HTT-AS: variants seen among roughly 807,000 people sequenced by gnomAD.
HTT-AS encodes the protein HTT antisense RNA (head to head).
chr4:3,066,843 G>A (rs1035716787), intron 1 of HTT-AS, among the ~76,000 whole-genome samples: 5 of 152,180 alleles, frequency 3.3e-5, no homozygotes, highest in Admixed American at 3.3e-4. Flanking sequence ...TACCAGGAAC[G>A]TGATATGAGG....
intron 1 of HTT-AS, among the ~76,000 whole-genome samples, chr4:3,073,964 G>T (rs2857935): frequency 0.012 from 1,829 of 151,878 alleles, 20 homozygotes; most frequent in Non-Finnish European, 0.018. Context: ...GTCGGCGGGG[G>T]ATCCTTTCCG....
intron 1 of HTT-AS, among the ~76,000 whole-genome samples, chr4:3,073,263 C>T (rs955926468): frequency 2.0e-5 from 3 of 152,204 alleles, no homozygotes; most frequent in African/African-American, 7.2e-5. Context: ...CCTGCATCAC[C>T]CCCCGGCTGG....
At chr4:3,049,469 A>G (rs1711661291) in exon 3 of HTT-AS, among the ~76,000 whole-genome samples, 2 of 152,114 alleles carry the variant, frequency 1.3e-5, no homozygotes, top group African/African-American at 4.8e-5. Context: ...AGAAGTCTTG[A>G]TCCACGATCT....
chr4:3,047,262 G>A (rs1711608327), downstream of HTT-AS, among the ~76,000 whole-genome samples: 1 of 152,166 alleles, frequency 6.6e-6, no homozygotes. Context: ...AGTGAGCCGA[G>A]ATTGCGCCAC....
intron 2 of HTT-AS, among the ~76,000 whole-genome samples, chr4:3,052,853 G>C (rs572805993): frequency 6.6e-6 from 1 of 152,130 alleles, no homozygotes; most frequent in African/African-American, 2.4e-5. Context: ...AAAATTAGCC[G>C]GGCATGGCGG....
At chr4:3,061,986 T>TAAAAA (rs548695397) in intron 2 of HTT-AS, among the ~76,000 whole-genome samples, 4 of 63,426 alleles carry the variant, frequency 6.3e-5, no homozygotes, top group Admixed American at 4.1e-4. Context: ...TATCTCAAAT[T>TAAAAA]AAAAAAAAAA....
chr4:3,048,234 T>C (rs1315457373), downstream of HTT-AS, among the ~76,000 whole-genome samples: 1 of 152,182 alleles, frequency 6.6e-6, no homozygotes, highest in Non-Finnish European at 1.5e-5. Flanking sequence ...GGCGAGAGTG[T>C]GACCAAAACT....
intron 1 of HTT-AS, among the ~76,000 whole-genome samples, chr4:3,072,306 C>G (rs541270371): frequency 2.0e-5 from 3 of 152,272 alleles, no homozygotes; most frequent in Non-Finnish European, 4.4e-5. Context: ...TTTATGTCCT[C>G]GCCATGTGGG....
intron 2 of HTT-AS, among the ~76,000 whole-genome samples, chr4:3,058,307 C>G (rs1303061468): frequency 1.3e-5 from 2 of 150,600 alleles, no homozygotes; most frequent in African/African-American, 4.9e-5. Flanking sequence ...GCCTGCACAA[C>G]AAGAATGAAA....
chr4:3,047,668 G>A (rs746753041), downstream of HTT-AS, among the ~76,000 whole-genome samples: 107 of 152,172 alleles, frequency 7.0e-4, 2 homozygotes, highest in Non-Finnish European at 1.6e-4. Flanking sequence ...GGAGAGGGGC[G>A]GAGGGGTTAG....
downstream of HTT-AS, among the ~76,000 whole-genome samples, chr4:3,046,523 A>C (rs545508007): frequency 1.1e-4 from 17 of 152,364 alleles, no homozygotes; most frequent in African/African-American, 1.7e-4. Context: ...AGTCCTTCTC[A>C]GGCCATATTT....
In HTT-AS at chr4:3,071,624, C is replaced by T. The variant is rs868767940; in HGVS notation, n.113+2802G>A. 2.0e-4 allele frequency among the ~76,000 whole-genome samples: 31 copies of T among 152,072 alleles called. 1 individual carries two copies. Among genetic ancestry groups the T allele is most frequent in the Admixed American group, 1.4e-3 (21 of 15,262 alleles). On this transcript the variant is annotated intron_variant and non_coding_transcript_variant, in intron 1 of 2. Coordinates refer to ENST00000664062, the Ensembl canonical transcript of HTT-AS. ...AACTCTATTACTTATTGTTATGGGACGAACTGTGTCCCTCATTCAGGTTGA... is the reference window on the plus strand; with the variant it reads ...AACTCTATTACTTATTGTTATGGGATGAACTGTGTCCCTCATTCAGGTTGA...
At chr4:3,074,317 C>A (rs1348600372) in intron 1 of HTT-AS, 1 of 133,336 alleles carries the variant, frequency 7.5e-6, no homozygotes, top group Non-Finnish European at 1.6e-5. Context: ...ACCACGCCCC[C>A]CGCATCGCCA....
intron 2 of HTT-AS, among the ~76,000 whole-genome samples, chr4:3,051,460 A>G (rs1170065356): frequency 3.9e-5 from 6 of 152,056 alleles, no homozygotes; most frequent in African/African-American, 1.4e-4. Context: ...CTGTGGTTCA[A>G]TGAAACAAAA....
intron 1 of HTT-AS, among the ~76,000 whole-genome samples, chr4:3,069,308 G>C (rs1560532468): frequency 2.8e-5 from 4 of 144,654 alleles, no homozygotes. Context: ...ACCACACCTG[G>C]CTAATTTTTT....
intron 1 of HTT-AS, among the ~76,000 whole-genome samples, chr4:3,065,653 A>T (rs1712033766): frequency 6.6e-6 from 1 of 152,230 alleles, no homozygotes; most frequent in Non-Finnish European, 1.5e-5. Flanking sequence ...ATCATAGCTG[A>T]GCCCAGCCTG....
chr4:3,057,861 G>A (rs1014781708), intron 2 of HTT-AS, among the ~76,000 whole-genome samples: 1 of 151,142 alleles, frequency 6.6e-6, no homozygotes, highest in African/African-American at 2.4e-5. Context: ...CTGACCTTGT[G>A]ATCCGCCCGC....
intron 2 of HTT-AS, among the ~76,000 whole-genome samples, chr4:3,057,938 A>G (rs1294685086): frequency 6.6e-6 from 1 of 151,708 alleles, no homozygotes; most frequent in African/African-American, 2.4e-5. Flanking sequence ...TTTCTTGATT[A>G]TATGCTAAAC....
downstream of HTT-AS, among the ~76,000 whole-genome samples, chr4:3,047,812 C>T (rs1003794691): frequency 1.3e-5 from 2 of 152,220 alleles, no homozygotes; most frequent in South Asian, 2.1e-4. Context: ...TTTCATGTTC[C>T]GCTCTGTACA....
Sources: allele counts gnomAD v4.1 joint callset (sites outside exome capture counted in the v4.1 genomes callset), GRCh38; gene constraint gnomAD v4.1.1; transcripts MANE v1.5; gene names NCBI Gene and HGNC (gene_info 2026-07-23, HGNC 2026-07-21).